Variants in FGF12 observed in about 807,000 individuals in gnomAD.
The protein encoded by FGF12 is fibroblast growth factor 12.
FGF12 carries 14 observed loss-of-function variants against 23.6 expected under a neutral mutation model. The ratio of observed to expected loss-of-function variants is 0.59; its 90% confidence interval spans 0.39 to 0.93. The LOEUF is 0.93. Among genes scored for constraint, FGF12 ranks in the 40% least tolerant of loss-of-function variants. FGF12 has a pLI of 0.00. For synonymous variants in FGF12, 62 were observed against 77.3 expected, an observed-to-expected ratio of 0.80 and a Z score of 1.04; for missense variants, 175 against 217.8, an observed-to-expected ratio of 0.80 and a Z score of 1.24.
chr3:192,224,768 G>A (rs1026262585), intron 4 of FGF12, among the ~76,000 whole-genome samples: 9 of 152,062 alleles, frequency 5.9e-5, no homozygotes, highest in African/African-American at 1.9e-4. Flanking sequence ...AATAAAACTC[G>A]AAACTGAATG....
rs191327106 is a variant in FGF12 at position 192,288,760 on chromosome 3, T to C, written c.228+46601A>G. ...CTATCCCAAAACTAGTTTGTGCTGG[T>C]TACCAAGGAACATGGGACCTGGTTA... On this transcript the variant is annotated intron_variant, in intron 4 of 5. Transcript: ENST00000445105. Among the ~76,000 whole-genome samples the C allele has an allele frequency of 1.7e-3, 257 of 152,264 alleles. 2 individuals carry two copies. The highest frequency in any genetic ancestry group is 5.9e-3 in the African/African-American group (244 of 41,572).
intron 4 of FGF12, among the ~76,000 whole-genome samples, chr3:192,301,617 C>T (rs898843568): frequency 2.0e-5 from 3 of 152,052 alleles, no homozygotes; most frequent in Non-Finnish European, 4.4e-5. Context: ...TGCATAGTCT[C>T]GTGGTCAGTG....
At chr3:192,618,028 T>C (rs1714827863) in intron 2 of FGF12, among the ~76,000 whole-genome samples, 1 of 151,906 alleles carries the variant, frequency 6.6e-6, no homozygotes, top group African/African-American at 2.4e-5. Flanking sequence ...CAAAGAAGAA[T>C]TGAGGTTGAC....
intron 2 of FGF12, among the ~76,000 whole-genome samples, chr3:192,568,211 G>GA (rs1712434661): frequency 6.6e-6 from 1 of 152,094 alleles, no homozygotes; most frequent in South Asian, 2.1e-4. Flanking sequence ...TTCATCTGCA[G>GA]AACTACATCT....
At chr3:192,497,097 T>C (rs1206817904) in intron 2 of FGF12, among the ~76,000 whole-genome samples, 2 of 152,206 alleles carry the variant, frequency 1.3e-5, no homozygotes. Flanking sequence ...TCTTCTCTAC[T>C]CCATGTGAAA....
chr3:192,369,507 T>G (rs1719128695), intron 2 of FGF12, among the ~76,000 whole-genome samples: 1 of 152,200 alleles, frequency 6.6e-6, no homozygotes. Context: ...ACCTTCATTT[T>G]TGGAGTTTCC....
intron 2 of FGF12, among the ~76,000 whole-genome samples, chr3:192,462,805 A>G (rs190354365): frequency 9.5e-4 from 144 of 152,304 alleles, no homozygotes; most frequent in African/African-American, 3.1e-3. Context: ...GTTTCATATG[A>G]TAATGATATA....
At chr3:192,189,125 G>A (rs1716646175) in intron 4 of FGF12, among the ~76,000 whole-genome samples, 1 of 152,168 alleles carries the variant, frequency 6.6e-6, no homozygotes. Flanking sequence ...CAGCTTGTAG[G>A]CTTCCTCAGC....
chr3:192,484,323 A>G (rs1723567921), intron 2 of FGF12, among the ~76,000 whole-genome samples: 1 of 112,360 alleles, frequency 8.9e-6, no homozygotes, highest in South Asian at 3.2e-4. Context: ...CCTAAAAAAA[A>G]AAAAAAAAAA....
chr3:192,438,679 G>A (rs1351412394), intron 2 of FGF12, among the ~76,000 whole-genome samples: 1 of 152,202 alleles, frequency 6.6e-6, no homozygotes, highest in African/African-American at 2.4e-5. Flanking sequence ...CACTAAGGAA[G>A]GAAACATTCA....
chr3:192,362,023 A>G (rs1241767520), intron 2 of FGF12, among the ~76,000 whole-genome samples: 1 of 152,224 alleles, frequency 6.6e-6, no homozygotes, highest in Admixed American at 6.5e-5. Context: ...TGTCCTCATC[A>G]ATAAAAATCT....
chr3:192,470,636 G>C (rs1723144149), intron 2 of FGF12, among the ~76,000 whole-genome samples: 1 of 152,138 alleles, frequency 6.6e-6, no homozygotes, highest in Admixed American at 6.5e-5. Context: ...TGATCCTCCT[G>C]CCTCGGCCTC....
In FGF12 at chr3:192,338,995, C is replaced by A. The variant is rs530660916; in HGVS notation, c.125-3531G>T. Among the ~76,000 whole-genome samples the A allele has an allele frequency of 2.6e-5, 4 of 152,160 alleles. No homozygotes were observed. In the South Asian group the frequency reaches 8.3e-4, roughly 32 times the overall value. ...AAGGAAAAGCAACTATAAAGTTTTTCCTACATGGAATGAGAGAAAACTGAT... is the reference window on the plus strand; with the variant it reads ...AAGGAAAAGCAACTATAAAGTTTTTACTACATGGAATGAGAGAAAACTGAT... On this transcript the variant is annotated intron_variant, in intron 3 of 5. Coordinates refer to ENST00000445105, the MANE Select transcript of FGF12 (RefSeq NM_004113.6).
At chr3:192,188,883 G>T (rs1407013341) in intron 4 of FGF12, among the ~76,000 whole-genome samples, 1 of 152,164 alleles carries the variant, frequency 6.6e-6, no homozygotes, top group African/African-American at 2.4e-5. Flanking sequence ...ATCCCAAGAG[G>T]TTTTTCAAGT....
At chr3:192,614,486 G>T (rs1293489126) in intron 2 of FGF12, among the ~76,000 whole-genome samples, 1 of 151,836 alleles carries the variant, frequency 6.6e-6, no homozygotes, top group East Asian at 1.9e-4. Context: ...AAGAAAAAAA[G>T]AAACTATTTC....
Position 192,388,703 on chromosome 3 carries a change from A to T in FGF12, c.14-28165T>A, listed in dbSNP as rs1352569444. Among the ~76,000 whole-genome samples the T allele has an allele frequency of 2.0e-5, 3 of 152,282 alleles. No individual in the cohort carries two copies. The East Asian group carries it at 5.8e-4, about 29-fold the overall frequency. On this transcript the variant is annotated intron_variant, in intron 2 of 5. Coordinates refer to ENST00000445105, the MANE Select transcript of FGF12 (RefSeq NM_004113.6). ...TTTTCTTAAAATTAAAGTCATCATA[A>T]ATTATATTTTAAAAACATTTCACAT...
At chr3:192,512,859 T>TATATATATATATATATATAAAA (rs376386122) in intron 2 of FGF12, among the ~76,000 whole-genome samples, 36 of 57,402 alleles carry the variant, frequency 6.3e-4, no homozygotes, top group African/African-American at 1.6e-3. Flanking sequence ...TATATATATA[T>TATATATATATATATATATAAAA]AACAGGCTAT....
intron 2 of FGF12, among the ~76,000 whole-genome samples, chr3:192,537,234 G>A (rs1725246098): frequency 2.0e-5 from 3 of 152,026 alleles, no homozygotes; most frequent in Admixed American, 2.0e-4. Context: ...TCAAAATCTT[G>A]GCTATTGGGA....
At chr3:192,515,817 C>T (rs1724650030) in intron 2 of FGF12, among the ~76,000 whole-genome samples, 1 of 142,502 alleles carries the variant, frequency 7.0e-6, no homozygotes, top group South Asian at 2.3e-4. Context: ...TTTTTTTTCC[C>T]AGCAGCCCCC....
Sources: allele counts gnomAD v4.1 joint callset (sites outside exome capture counted in the v4.1 genomes callset), GRCh38; gene constraint gnomAD v4.1.1; transcripts MANE v1.5; gene names NCBI Gene and HGNC (gene_info 2026-07-23, HGNC 2026-07-21).